PCDH15: variants seen among roughly 807,000 people sequenced by gnomAD.
PCDH15 encodes protocadherin-15.
Under a neutral mutation model 178.5 loss-of-function variants are expected in PCDH15, and 129 were observed. The observed-to-expected ratio is 0.72, with a 90% CI of 0.63 to 0.84. PCDH15 has a LOEUF of 0.84. Ranked by LOEUF, PCDH15 falls within the 40% of genes least tolerant of loss-of-function variation. The pLI is 0.00. For missense variants in PCDH15, 2,230 were observed against 2,099.9 expected (o/e 1.06, Z -1.21); for synonymous variants, 800 against 732.0 (o/e 1.09, Z -1.50).
At chr10:54,427,795 GTAAAAAC>G (rs1369472590) in intron 3 of PCDH15, among the ~76,000 whole-genome samples, 3 of 152,000 alleles carry the variant, frequency 2.0e-5, no homozygotes, top group Non-Finnish European at 2.9e-5. Context: ...TTTTGACCTA[GTAAAAAC>G]TAAAGAGGGA....
intron 2 of PCDH15, chr10:54,607,003 C>T (rs1465538317): frequency 6.6e-6 from 1 of 151,994 alleles, no homozygotes; most frequent in Non-Finnish European, 1.5e-5. Context: ...GCTGCAAATA[C>T]ACATAAAAAT....
At chr10:54,535,106 A>G (rs1055513762) in intron 2 of PCDH15, among the ~76,000 whole-genome samples, 3 of 152,206 alleles carry the variant, frequency 2.0e-5, no homozygotes, top group African/African-American at 7.2e-5. Flanking sequence ...CTATTTGCAG[A>G]TTTCAGATTT....
At chr10:54,732,363 T>C (rs1943533848) in intron 1 of PCDH15, among the ~76,000 whole-genome samples, 1 of 151,188 alleles carries the variant, frequency 6.6e-6, no homozygotes, top group African/African-American at 2.4e-5. Context: ...AGACGGGACA[T>C]CACTATAGAA....
intron 1 of PCDH15, among the ~76,000 whole-genome samples, chr10:55,214,431 G>A (rs1840648852): frequency 6.6e-6 from 1 of 151,730 alleles, no homozygotes; most frequent in South Asian, 2.1e-4. Flanking sequence ...GGAAAATTAT[G>A]TATTTAGACA....
chr10:55,052,254 A>G (rs1841181359), intron 2 of PCDH15, among the ~76,000 whole-genome samples: 1 of 151,444 alleles, frequency 6.6e-6, no homozygotes. Flanking sequence ...CGCCCAGCTT[A>G]TTTTTTTGTA....
intron 2 of PCDH15, among the ~76,000 whole-genome samples, chr10:55,575,179 CTTATTAATATATAAAA>C (rs1842474165): frequency 6.6e-6 from 1 of 152,038 alleles, no homozygotes. Context: ...TAACTTCCCA[CTTATTAATATATAAAA>C]GTGTTATAGT....
At chr10:54,783,400 C>T (rs1405247804) in intron 1 of PCDH15, among the ~76,000 whole-genome samples, 1 of 151,544 alleles carries the variant, frequency 6.6e-6, no homozygotes, top group Non-Finnish European at 1.5e-5. Context: ...TTTGAAATAA[C>T]CTCATCAAAT....
intron 2 of PCDH15, among the ~76,000 whole-genome samples, chr10:55,571,765 T>C (rs2132110400): frequency 6.6e-6 from 1 of 152,168 alleles, no homozygotes; most frequent in South Asian, 2.1e-4. Flanking sequence ...AACACTAAGA[T>C]AGTGAGAAAG....
At chr10:54,168,549 G>A (rs1328574262) in intron 13 of PCDH15, among the ~76,000 whole-genome samples, 22 of 152,216 alleles carry the variant, frequency 1.4e-4, no homozygotes, top group Admixed American at 3.9e-4. Context: ...GTTTCGTTCC[G>A]TGACTAGCCC....
chr10:54,050,092 A>G (rs1201185589), intron 18 of PCDH15, among the ~76,000 whole-genome samples: 1 of 152,146 alleles, frequency 6.6e-6, no homozygotes, highest in Non-Finnish European at 1.5e-5. Context: ...GTTAGGGTGG[A>G]GTCCCTCCTA....
chr10:54,253,692 T>C (rs139349357), intron 8 of PCDH15, among the ~76,000 whole-genome samples: 2 of 152,210 alleles, frequency 1.3e-5, no homozygotes, highest in East Asian at 3.9e-4. Context: ...TTAGTAATAT[T>C]AAAATAATTT....
At chr10:54,581,264 C>G (rs751183476) in intron 2 of PCDH15, among the ~76,000 whole-genome samples, 3 of 152,006 alleles carry the variant, frequency 2.0e-5, no homozygotes, top group Non-Finnish European at 2.9e-5. Context: ...AAAAATTCAA[C>G]ATACAAAAAT....
chr10:54,533,034 G>T (rs1284429616), intron 2 of PCDH15, among the ~76,000 whole-genome samples: 2 of 152,140 alleles, frequency 1.3e-5, no homozygotes, highest in South Asian at 2.1e-4. Context: ...CCTGATGGGA[G>T]GCCCTGAACT....
chr10:54,328,576 A>T (rs182532001), intron 7 of PCDH15, among the ~76,000 whole-genome samples: 1 of 152,168 alleles, frequency 6.6e-6, no homozygotes, highest in East Asian at 1.9e-4. Context: ...CACAGGTGAT[A>T]CAAGTCTAGA....
chr10:54,229,398 T>G (rs2053816503), intron 9 of PCDH15, among the ~76,000 whole-genome samples: 1 of 152,200 alleles, frequency 6.6e-6, no homozygotes, highest in Admixed American at 6.5e-5. Context: ...ATTTTTTAAT[T>G]CATGGGATGA....
chr10:54,420,449 A>G (rs368474632), intron 3 of PCDH15, among the ~76,000 whole-genome samples: 2 of 152,072 alleles, frequency 1.3e-5, no homozygotes, highest in African/African-American at 4.8e-5. Context: ...AACAACAACA[A>G]AAAGATTATT....
intron 1 of PCDH15, among the ~76,000 whole-genome samples, chr10:54,767,777 G>A (rs955618476): frequency 6.6e-6 from 1 of 152,098 alleles, no homozygotes; most frequent in African/African-American, 2.4e-5. Context: ...TATCTGACTA[G>A]CATGCCTCAA....
At chr10:54,081,788 G>A (rs969550377) in intron 16 of PCDH15, among the ~76,000 whole-genome samples, 1 of 152,020 alleles carries the variant, frequency 6.6e-6, no homozygotes, top group Admixed American at 6.6e-5. Context: ...CAATAACACT[G>A]CTACTTATAC....
intron 16 of PCDH15, among the ~76,000 whole-genome samples, chr10:54,084,463 A>C (rs931866662): frequency 2.0e-5 from 3 of 150,888 alleles, no homozygotes; most frequent in Non-Finnish European, 4.4e-5. Context: ...ACAGAACAAG[A>C]CTCCATCTCA....
Sources: gnomAD v4.1 joint callset for allele counts (sites outside exome capture counted in the v4.1 genomes callset) on GRCh38, gnomAD v4.1.1 for gene constraint, MANE v1.5 for transcripts, NCBI Gene and HGNC (gene_info 2026-07-23, HGNC 2026-07-21) for gene names.